The following UBE2E3 variants were observed in gnomAD, a reference collection of about 807,000 sequenced individuals.
The protein encoded by UBE2E3 is ubiquitin-conjugating enzyme E2 E3.
Under a neutral mutation model 23.6 loss-of-function variants are expected in UBE2E3, and 5 were observed. The ratio of observed to expected loss-of-function variants is 0.21; its 90% CI spans 0.11 to 0.44. UBE2E3 has a LOEUF of 0.44. UBE2E3 is among the 20% of genes least tolerant of loss of function. UBE2E3 has a pLI of 0.99. For missense variants in UBE2E3, 81 were observed against 249.8 expected (o/e 0.32, Z 4.55); for synonymous variants, 78 against 87.5 (o/e 0.89, Z 0.60).
At chr2:180,987,319 C>T in intron 3 of UBE2E3, 1 of 1,549,044 alleles carries the variant, frequency 6.5e-7, no homozygotes. Flanking sequence ...AAGACATTTA[C>T]TTTCCATCTG....
intron 3 of UBE2E3, among the ~76,000 whole-genome samples, chr2:181,015,471 C>T (rs939010561): frequency 1.3e-5 from 2 of 151,494 alleles, no homozygotes; most frequent in Non-Finnish European, 2.9e-5. Flanking sequence ...CTAACAAAAA[C>T]AAAAAGACTA....
intron 3 of UBE2E3, among the ~76,000 whole-genome samples, chr2:181,021,900 T>C (rs1685715037): frequency 1.3e-5 from 2 of 152,090 alleles, no homozygotes; most frequent in South Asian, 4.1e-4. Context: ...AAGTTTAGAG[T>C]AAAAGTGCCC....
intron 3 of UBE2E3, among the ~76,000 whole-genome samples, chr2:181,018,013 C>T (rs1051110136): frequency 6.6e-6 from 1 of 151,630 alleles, no homozygotes; most frequent in African/African-American, 2.4e-5. Flanking sequence ...CTCTTTCTAC[C>T]TAGAAGACCA....
At chr2:180,981,588 C>T (rs1574149504) in intron 1 of UBE2E3, 1 of 154,300 alleles carries the variant, frequency 6.5e-6, no homozygotes, top group Admixed American at 6.5e-5. Context: ...GTGTTTTCCT[C>T]TCGGAAAGGG....
At chr2:181,038,133 C>G (rs1686358024) in intron 3 of UBE2E3, among the ~76,000 whole-genome samples, 4 of 152,324 alleles carry the variant, frequency 2.6e-5, no homozygotes, top group South Asian at 2.1e-4. Context: ...AGACCAACTT[C>G]CAGTCCTGAA....
chr2:181,030,831 A>G (rs1266575335), intron 3 of UBE2E3, among the ~76,000 whole-genome samples: 2 of 151,746 alleles, frequency 1.3e-5, no homozygotes, highest in Admixed American at 6.6e-5. Flanking sequence ...TATTTTTTTC[A>G]TGTCTGTTAT....
chr2:181,019,762 A>G (rs1685614268), intron 3 of UBE2E3, among the ~76,000 whole-genome samples: 1 of 152,338 alleles, frequency 6.6e-6, no homozygotes, highest in South Asian at 2.1e-4. Flanking sequence ...ATACATGTAT[A>G]TTGTGAAATA....
chr2:181,017,916 T>C (rs1291820880), intron 3 of UBE2E3, among the ~76,000 whole-genome samples: 1 of 151,530 alleles, frequency 6.6e-6, no homozygotes, highest in Admixed American at 6.6e-5. Flanking sequence ...CCCAGCTTCA[T>C]GTCAGCCATC....
intron 3 of UBE2E3, among the ~76,000 whole-genome samples, chr2:181,035,212 CT>C (rs1686230579): frequency 6.6e-6 from 1 of 152,004 alleles, no homozygotes; most frequent in South Asian, 2.1e-4. Flanking sequence ...AAAGTGAAAC[CT>C]ACAAAGTAAA....
At chr2:181,029,003 A>G (rs755410661) in intron 3 of UBE2E3, among the ~76,000 whole-genome samples, 7 of 152,064 alleles carry the variant, frequency 4.6e-5, no homozygotes, top group Non-Finnish European at 7.4e-5. Flanking sequence ...TTTATTTGGA[A>G]TTGATTCTTT....
chr2:181,060,861 CTTTTTTTTTTTTTTTTT>C, intron 5 of UBE2E3, 49 bp downstream of exon 5: 2 of 246,484 alleles, frequency 8.1e-6, no homozygotes, highest in Non-Finnish European at 5.6e-6. Flanking sequence ...AAAACGAGTG[CTTTTTTTTTTTTTTTTT>C]TTTTTTTTTT....
intron 3 of UBE2E3, among the ~76,000 whole-genome samples, chr2:181,035,620 G>A (rs1204448316): frequency 3.3e-5 from 5 of 152,066 alleles, no homozygotes; most frequent in East Asian, 3.8e-4. Flanking sequence ...GGTCACATGC[G>A]TCCCAGGACG....
intron 3 of UBE2E3, among the ~76,000 whole-genome samples, chr2:181,021,489 C>CTTCCT (rs201457866): frequency 1.5e-5 from 2 of 133,482 alleles, no homozygotes; most frequent in Non-Finnish European, 3.1e-5. Context: ...CTCTCTCTCT[C>CTTCCT]TTCCTTTCCT....
chr2:181,037,374 G>C (rs942308285), intron 3 of UBE2E3, among the ~76,000 whole-genome samples: 1 of 152,134 alleles, frequency 6.6e-6, no homozygotes, highest in Non-Finnish European at 1.5e-5. Context: ...TGTTATAGGA[G>C]ATGACAGCTC....
chr2:181,017,414 G>C (rs1008171387), intron 3 of UBE2E3, among the ~76,000 whole-genome samples: 2 of 152,184 alleles, frequency 1.3e-5, no homozygotes, highest in African/African-American at 2.4e-5. Flanking sequence ...AGGGGCATGA[G>C]GGGGGTGGAA....
In UBE2E3 at chr2:181,062,840, A is replaced by G. The variant is rs1416973608; in HGVS notation, c.576A>G (p.Ala192=). 5 of 1,608,330 alleles carry G rather than the reference A, an allele frequency of 3.1e-6. No individual in the cohort carries two copies. In the African/African-American group the frequency reaches 6.7e-5, roughly 22 times the overall value. The change falls in exon 6 of 6, where the codon GCA becomes GCG. Residue 192 remains alanine, a synonymous_variant. Coordinates refer to ENST00000410062, the MANE Select transcript of UBE2E3 (RefSeq NM_006357.4). ...SIATQYLTNR[A]EHDRIARQWT... ...CCACTCAGTATTTGACCAACAGAGC[A>G]GAACACGACAGGATAGCCAGACAGT...
intron 3 of UBE2E3, among the ~76,000 whole-genome samples, chr2:181,003,350 A>G (rs1685043458): frequency 6.6e-6 from 1 of 152,228 alleles, no homozygotes; most frequent in Admixed American, 6.5e-5. Flanking sequence ...AGCAGTACTC[A>G]TGTTTCAGAT....
chr2:180,980,470 G>T (rs1684228203), upstream of UBE2E3: 1 of 150,270 alleles, frequency 6.7e-6, no homozygotes, highest in Admixed American at 6.6e-5. The surrounding 1 kb of genome is among the most constrained non-coding windows in gnomAD (Gnocchi z 5.5). Context: ...GTGAGGGGAG[G>T]TGTGGAGAGC....
intron 3 of UBE2E3, among the ~76,000 whole-genome samples, chr2:181,052,201 G>T (rs961551469): frequency 2.6e-5 from 4 of 151,812 alleles, no homozygotes; most frequent in African/African-American, 9.7e-5. Context: ...AATCATTAAG[G>T]TGTAACTAAT....
Sources: allele counts gnomAD v4.1 joint callset (sites outside exome capture counted in the v4.1 genomes callset), GRCh38; gene constraint gnomAD v4.1.1; non-coding constraint Gnocchi (gnomAD v3.1); transcripts MANE v1.5; gene names NCBI Gene and HGNC (gene_info 2026-07-23, HGNC 2026-07-21).